CRPPA: variants seen among roughly 807,000 people sequenced by gnomAD.
CRPPA encodes D-ribitol-5-phosphate cytidylyltransferase.
Under a neutral mutation model 52.0 loss-of-function variants are expected in CRPPA, and 43 were observed. That is an observed-to-expected ratio of 0.83 (90% confidence interval 0.65 to 1.07). The LOEUF is 1.07. Among genes scored for constraint, CRPPA ranks in the 50% least tolerant of loss-of-function variants. CRPPA has a pLI of 0.00. For missense variants in CRPPA, 629 were observed against 551.7 expected (o/e 1.14, Z -1.40); for synonymous variants, 250 against 203.5 (o/e 1.23, Z -1.94).
chr7:16,175,216 C>T (rs1372727627), intron 9 of CRPPA, among the ~76,000 whole-genome samples: 1 of 152,098 alleles, frequency 6.6e-6, no homozygotes, highest in African/African-American at 2.4e-5. Flanking sequence ...TTAAACTGAT[C>T]AGCTTTAAAC....
intron 9 of CRPPA, among the ~76,000 whole-genome samples, chr7:16,134,568 A>G (rs1179597760): frequency 1.3e-5 from 2 of 152,218 alleles, no homozygotes; most frequent in Non-Finnish European, 2.9e-5. Context: ...TGGAGAGTCA[A>G]AAGTTTTACA....
chr7:16,420,930 A>C, intron 1 of CRPPA, 136 bp downstream of exon 1: 2 of 735,010 alleles, frequency 2.7e-6, no homozygotes, highest in Non-Finnish European at 3.8e-6. Flanking sequence ...GCGGGAGGGA[A>C]CAGAGCTCAA....
At chr7:16,205,991 C>A (rs936038429) in intron 9 of CRPPA, among the ~76,000 whole-genome samples, 2 of 152,022 alleles carry the variant, frequency 1.3e-5, no homozygotes, top group African/African-American at 4.8e-5. Flanking sequence ...CAGATCAAGT[C>A]AGAATCCAAG....
intron 3 of CRPPA, among the ~76,000 whole-genome samples, chr7:16,364,973 A>G (rs190109475): frequency 5.1e-4 from 78 of 152,278 alleles, no homozygotes; most frequent in African/African-American, 1.8e-3. Flanking sequence ...TTTATAGAAA[A>G]GTTATAAAGG....
chr7:16,100,586 G>A (rs966196170), intron 9 of CRPPA, among the ~76,000 whole-genome samples: 1 of 152,170 alleles, frequency 6.6e-6, no homozygotes. Flanking sequence ...ATACAATCAT[G>A]TCATCTGCAA....
At chr7:16,264,476 A>G (rs1783900034) in intron 6 of CRPPA, among the ~76,000 whole-genome samples, 1 of 152,252 alleles carries the variant, frequency 6.6e-6, no homozygotes, top group Non-Finnish European at 1.5e-5. Context: ...CAATATTAAT[A>G]CTATATAAAG....
intron 3 of CRPPA, among the ~76,000 whole-genome samples, chr7:16,338,011 C>G (rs1440246924): frequency 6.6e-6 from 1 of 152,094 alleles, no homozygotes; most frequent in Non-Finnish European, 1.5e-5. Context: ...CTAGGATTAC[C>G]CTGATACCAA....
intron 9 of CRPPA, among the ~76,000 whole-genome samples, chr7:16,149,639 G>C (rs1230571931): frequency 6.6e-6 from 1 of 152,102 alleles, no homozygotes; most frequent in Non-Finnish European, 1.5e-5. Context: ...AAGGTAACTA[G>C]CAAGTTGATT....
At chr7:16,188,537 T>C (rs1781548968) in intron 9 of CRPPA, among the ~76,000 whole-genome samples, 1 of 152,182 alleles carries the variant, frequency 6.6e-6, no homozygotes, top group Admixed American at 6.5e-5. Flanking sequence ...TTCTATTCAA[T>C]GTCTGCCTCT....
chr7:16,412,429 T>C lies in CRPPA; in HGVS notation c.258-6092A>G, dbSNP rs540647588. Among the ~76,000 whole-genome samples the C allele has an allele frequency of 5.9e-5, 9 of 152,300 alleles. No individual in the cohort carries two copies. In the East Asian group the frequency reaches 1.7e-3, roughly 29 times the overall value. On this transcript the variant is annotated intron_variant, in intron 1 of 9. Coordinates refer to ENST00000407010, the MANE Select transcript of CRPPA (RefSeq NM_001101426.4). ...GAGCCATGAGGCAAAAACGTAATTC[T>C]TGTAACAGGTCAAAAAAAAGTTTGG... is the stretch of plus-strand genomic sequence containing the variant.
chr7:16,408,814 G>A (rs7350036), intron 1 of CRPPA, among the ~76,000 whole-genome samples: 15,580 of 152,164 alleles, frequency 0.1, 963 homozygotes, highest in East Asian at 0.24. Flanking sequence ...AAGGAAAGGA[G>A]GTCGCAGGAG....
At chr7:16,164,371 G>C (rs1377630133) in intron 9 of CRPPA, among the ~76,000 whole-genome samples, 4 of 152,106 alleles carry the variant, frequency 2.6e-5, no homozygotes, top group African/African-American at 9.7e-5. Context: ...GGTCATTTAT[G>C]TTCTTCTGTA....
chr7:16,116,936 T>A (rs1782387574), intron 9 of CRPPA, among the ~76,000 whole-genome samples: 2 of 152,228 alleles, frequency 1.3e-5, no homozygotes, highest in African/African-American at 4.8e-5. Flanking sequence ...TGGCTGAAAG[T>A]CTTTATGTGT....
chr7:16,216,838 C>T (rs1168724982), intron 8 of CRPPA, among the ~76,000 whole-genome samples: 2 of 152,194 alleles, frequency 1.3e-5, no homozygotes, highest in African/African-American at 4.8e-5. Flanking sequence ...TGAGATCAAA[C>T]TGCAAGGCGG....
At chr7:16,230,906 C>G (rs1227262957) in intron 8 of CRPPA, among the ~76,000 whole-genome samples, 1 of 152,008 alleles carries the variant, frequency 6.6e-6, no homozygotes, top group Non-Finnish European at 1.5e-5. Context: ...GAGTGCTGTT[C>G]AGAGGACTGA....
At chr7:16,302,665 T>C (rs4721488) in intron 4 of CRPPA, among the ~76,000 whole-genome samples, 121,943 of 152,090 alleles carry the variant, frequency 0.8, 49,556 homozygotes, top group African/African-American at 0.93. Flanking sequence ...CACAATCAAA[T>C]AAAAGAGAGA....
intron 8 of CRPPA, among the ~76,000 whole-genome samples, chr7:16,251,534 A>T (rs574850191): frequency 1.8e-4 from 28 of 152,348 alleles, no homozygotes; most frequent in African/African-American, 6.5e-4. Flanking sequence ...CATCTCTCAG[A>T]CCACAACGAA....
chr7:16,091,832 G>A (rs1392770970), intron 9 of CRPPA, 33 bp from the exon 10 acceptor site: 5 of 1,246,738 alleles, frequency 4.0e-6, no homozygotes, highest in Non-Finnish European at 4.4e-6. Context: ...TAATATTTTA[G>A]AAAAAACATA....
chr7:16,208,523 T>C (rs1436331282), intron 9 of CRPPA, among the ~76,000 whole-genome samples: 1 of 152,204 alleles, frequency 6.6e-6, no homozygotes, highest in Admixed American at 6.5e-5. Flanking sequence ...TTATGGTGTC[T>C]CTATGGAACC....
Sources: gnomAD v4.1 joint callset for allele counts (sites outside exome capture counted in the v4.1 genomes callset) on GRCh38, gnomAD v4.1.1 for gene constraint, MANE v1.5 for transcripts, NCBI Gene and HGNC (gene_info 2026-07-23, HGNC 2026-07-21) for gene names.